The following KCNC4 variants were observed in gnomAD, a reference collection of about 807,000 sequenced individuals.
The protein encoded by KCNC4 is potassium voltage-gated channel subfamily C member 4.
KCNC4 carries 23 observed loss-of-function variants against 42.8 expected under a neutral mutation model. The observed-to-expected ratio is 0.54, with a 90% CI of 0.39 to 0.76. The LOEUF (loss-of-function observed/expected upper bound fraction) is 0.76, where lower values mean the gene tolerates loss of function less well. Among genes scored for constraint, KCNC4 ranks in the 30% least tolerant of loss-of-function variants. KCNC4 has a pLI of 0.00. For synonymous variants in KCNC4, 422 were observed against 393.5 expected, an observed-to-expected ratio of 1.07 and a Z score of -0.86; for missense variants, 751 against 898.2, an observed-to-expected ratio of 0.84 and a Z score of 2.10.
chr1:110,252,874 C>T (rs950493159), downstream of KCNC4, among the ~76,000 whole-genome samples: 3 of 152,114 alleles, frequency 2.0e-5, no homozygotes, highest in Admixed American at 2.0e-4. Context: ...TTGTTATCAA[C>T]TTTTCATAGG....
In KCNC4 at chr1:110,226,108, C is replaced by A; in HGVS notation, c.1749C>A (p.Asn583Lys). 1 of 1,614,168 alleles carries A rather than the reference C, an allele frequency of 6.2e-7. No individual in the cohort carries two copies. Among genetic ancestry groups the A allele is most frequent in the Non-Finnish European group, 8.5e-7 (1 of 1,180,026 alleles). Residue 583 changes from asparagine to lysine, a missense_variant, in exon 3 of 4, where the codon AAC (asparagine) becomes AAA (lysine). By Grantham distance (94) the Asn-to-Lys change is moderately conservative. Transcript: ENST00000438661. Reference protein sequence around the residue: ...ALRRSTTRDRNKKAAACFLLS... With the variant: ...ALRRSTTRDRKKKAAACFLLS... The stretch of plus-strand genomic sequence containing the variant: ...GACGCTCCACCACTCGAGACAGAAA[C>A]AAGAAGGCAGCTGCCTGCTTCCTGC...
Position 110,211,868 on chromosome 1 carries a change from G to T in KCNC4, c.369G>T (p.Gly123=), listed in dbSNP as rs1657480130. 1 of 1,611,620 alleles carries T rather than the reference G, an allele frequency of 6.2e-7. No homozygotes were observed. The highest frequency in any genetic ancestry group is 1.7e-5 in the Admixed American group (1 of 60,008). Residue 123 remains glycine, a synonymous_variant, in exon 1 of 4, where the codon GGG becomes GGT. Coordinates refer to ENST00000438661, the MANE Select transcript of KCNC4 (RefSeq NM_001039574.3). The surrounding 1 kb of genome is among the most constrained non-coding windows in gnomAD (Gnocchi z 6.5). ...GKLHCPADVC[G]PLFEEELTFW... is the part of the protein sequence containing the mutation. ...TGCACTGCCCCGCGGACGTGTGCGGGCCGCTCTTCGAAGAGGAGCTCACCT... is the reference window on the plus strand; with the variant it reads ...TGCACTGCCCCGCGGACGTGTGCGGTCCGCTCTTCGAAGAGGAGCTCACCT...
At chr1:110,241,442 A>G (rs918997900) in exon 4 of KCNC4, 5 of 152,156 alleles carry the variant, frequency 3.3e-5, no homozygotes, top group African/African-American at 1.2e-4. Context: ...TCTCTGTGAT[A>G]GGAAGTCCTA....
chr1:110,224,557 A>G (rs1016268284), intron 2 of KCNC4: 1 of 152,382 alleles, frequency 6.6e-6, no homozygotes, highest in Non-Finnish European at 1.5e-5. Flanking sequence ...GGAACTGAGG[A>G]AGGAGTGGCC....
chr1:110,242,982 G>C (rs549150425), exon 4 of KCNC4: 1 of 152,238 alleles, frequency 6.6e-6, no homozygotes, highest in South Asian at 2.1e-4. Flanking sequence ...TGTGAGCTGC[G>C]TGACCTTGGG....
intron 1 of KCNC4, among the ~76,000 whole-genome samples, chr1:110,275,954 CAA>C (rs61372696): frequency 6.6e-5 from 7 of 106,238 alleles, no homozygotes; most frequent in Non-Finnish European, 5.6e-5. Flanking sequence ...GACTCCGCCT[CAA>C]AAAAAAAAAA....
At chr1:110,276,190 T>C (rs1373965638) in intron 1 of KCNC4, among the ~76,000 whole-genome samples, 1 of 149,340 alleles carries the variant, frequency 6.7e-6, no homozygotes, top group Non-Finnish European at 1.5e-5. Flanking sequence ...AATTGCTTAA[T>C]GGGTACAATG....
chr1:110,213,186 A>AAAAAAAAG (rs1246123807), intron 1 of KCNC4, among the ~76,000 whole-genome samples: 6 of 151,090 alleles, frequency 4.0e-5, no homozygotes, highest in Non-Finnish European at 8.9e-5. Context: ...AAAAAAAAAA[A>AAAAAAAAG]AAAAAAAAAA....
chr1:110,212,170 C>A lies in KCNC4; in HGVS notation c.671C>A (p.Ala224Asp). The A allele has an allele frequency of 6.7e-7, 1 of 1,494,350 alleles. No homozygotes were observed. The highest frequency in any genetic ancestry group is 8.8e-7 in the Non-Finnish European group (1 of 1,138,964). The allele number at this position is 1,494,350 out of a possible 1,614,324, so 92.6% of individuals were successfully genotyped here. A position where few individuals can be genotyped will look rare whatever the true frequency, so the allele number is the denominator to read the frequency against. Residue 224 changes from alanine to aspartate, a missense_variant, in exon 1 of 4, where the codon GCC becomes GAC. Around this residue, in one of 4 missense-constraint regions of KCNC4, gnomAD observed 181 missense variants for 167.3 expected, o/e 1.08. Coordinates refer to ENST00000438661, the MANE Select transcript of KCNC4 (RefSeq NM_001039574.3). ...ALFEDPYSSR[A>D]ARVVAFASLF... ...TTCGAGGATCCCTACTCCTCCCGGG[C>A]CGCTAGGGTGAGTGGCAGGAGCCCG...
chr1:110,258,003 A>G (rs1023472207), intron 1 of KCNC4, among the ~76,000 whole-genome samples: 4 of 152,148 alleles, frequency 2.6e-5, no homozygotes, highest in Admixed American at 1.3e-4. Flanking sequence ...TCCAAGTTCT[A>G]CTTATAATCC....
At chr1:110,250,713 C>T (rs1323603756), downstream of KCNC4, among the ~76,000 whole-genome samples, 1 of 152,152 alleles carries the variant, frequency 6.6e-6, no homozygotes, top group Non-Finnish European at 1.5e-5. Flanking sequence ...GGCACTTGCT[C>T]TGAGTGAGGC....
At position 110,232,994 on chromosome 1, in the gene KCNC4, ACAGG is replaced by A; in HGVS notation, c.*26_*29del. ...TTAAAGCGGCACCAACGTGAGAGAGACAGGCAGACAGACAGAAAGCCAGAGGCTT... is the reference window on the plus strand; with the variant it reads ...TTAAAGCGGCACCAACGTGAGAGAGACAGACAGACAGAAAGCCAGAGGCTT... On this transcript the variant is annotated 3_prime_UTR_variant, in exon 4 of 4. Coordinates refer to ENST00000438661, the MANE Select transcript of KCNC4 (RefSeq NM_001039574.3). 6.2e-7 allele frequency: 1 copy of A among 1,606,660 alleles called. No homozygotes were observed. Among genetic ancestry groups the A allele is most frequent in the Non-Finnish European group, 8.5e-7 (1 of 1,176,762 alleles).
At chr1:110,224,625 G>A (rs965222802) in intron 2 of KCNC4, 2 of 152,234 alleles carry the variant, frequency 1.3e-5, no homozygotes, top group African/African-American at 4.8e-5. Context: ...GCCCTGGAAG[G>A]GGAGAGCCTG....
intron 1 of KCNC4, among the ~76,000 whole-genome samples, chr1:110,274,401 T>C (rs1163150285): frequency 6.6e-6 from 1 of 152,196 alleles, no homozygotes; most frequent in Non-Finnish European, 1.5e-5. Context: ...TGCTCATAGA[T>C]TGAAAGAATT....
chr1:110,280,515 G>A (rs894654130), intron 1 of KCNC4, among the ~76,000 whole-genome samples: 24 of 152,148 alleles, frequency 1.6e-4, no homozygotes, highest in Admixed American at 5.2e-4. Flanking sequence ...ACAACTCTGC[G>A]AAACCCCTGA....
exon 4 of KCNC4, chr1:110,240,190 T>C (rs999347777): frequency 6.6e-6 from 1 of 152,200 alleles, no homozygotes; most frequent in African/African-American, 2.4e-5. Context: ...CCTTCCAGTC[T>C]TCCTGGACTC....
intron 1 of KCNC4, chr1:110,221,413 G>A (rs1047345556): frequency 4.6e-5 from 7 of 152,228 alleles, no homozygotes; most frequent in Non-Finnish European, 1.0e-4. Flanking sequence ...TATACAGAGT[G>A]CTTAACAGTA....
At chr1:110,277,308 T>C (rs1659743316) in intron 1 of KCNC4, among the ~76,000 whole-genome samples, 2 of 152,246 alleles carry the variant, frequency 1.3e-5, no homozygotes, top group South Asian at 2.1e-4. Context: ...TGTAATGCTA[T>C]TCCCTGTGTC....
rs888531512 is a variant in KCNC4, at chr1:110,232,961, A to G, written c.1870A>G (p.Thr624Ala). Residue 624 changes from threonine to alanine, a missense_variant, in exon 4 of 4, where the codon ACC becomes GCC. By Grantham distance (58) the Thr-to-Ala change is moderately conservative. Transcript: ENST00000438661. Reference sequence around the variant, plus strand: ...CAACTATGCCCAGGCTGAAGTCCTCACCCTCTCTTAAAGCGGCACCAACGT... The same window carrying G: ...CAACTATGCCCAGGCTGAAGTCCTCGCCCTCTCTTAAAGCGGCACCAACGT... ...SSNYAQAEVL[T>A]LS is the part of the protein sequence containing the mutation. 2.5e-6 allele frequency: 4 copies of G among 1,610,686 alleles called. No homozygotes were observed. Among genetic ancestry groups the G allele is most frequent in the Non-Finnish European group, 8.5e-7 (1 of 1,178,702 alleles).
Sources: allele counts gnomAD v4.1 joint callset (sites outside exome capture counted in the v4.1 genomes callset), GRCh38; gene constraint gnomAD v4.1.1; regional missense constraint gnomAD v4.1.1; non-coding constraint Gnocchi (gnomAD v3.1); transcripts MANE v1.5; gene names NCBI Gene and HGNC (gene_info 2026-07-23, HGNC 2026-07-21).